HRH3: variants seen among roughly 807,000 people sequenced by gnomAD.
HRH3 encodes histamine receptor H3.
In HRH3, 13 loss-of-function variants were observed where a neutral mutation model predicts 21.6. The observed-to-expected ratio is 0.60, with a 90% CI of 0.39 to 0.96. The LOEUF is 0.96. HRH3 is among the 40% of genes least tolerant of loss of function. The probability of loss-of-function intolerance (pLI) is 0.00; values close to 1 mark genes in which losing one functional copy is unlikely to be tolerated. For synonymous variants in HRH3, 276 were observed against 290.3 expected, an observed-to-expected ratio of 0.95 and a Z score of 0.50; for missense variants, 461 against 622.7, an observed-to-expected ratio of 0.74 and a Z score of 2.76.
In HRH3 at chr20:62,216,082, C is replaced by G. The variant is rs199981087; in HGVS notation, c.1262G>C (p.Arg421Pro). ...GGGGCAGAGCAGCTTGGTGAAGGCC[C>G]GGCGGAAGCTGTGGTGGCACAGAGG... ...LYPLCHHSFR[R>P]AFTKLLCPQK... The change falls in exon 3 of 3, where the codon CGG becomes CCG. Residue 421 changes from arginine to proline, a missense_variant. Transcript: ENST00000340177. The G allele has an allele frequency of 6.2e-7, 1 of 1,609,966 alleles. No individual in the cohort carries two copies. Among genetic ancestry groups the G allele is most frequent in the Non-Finnish European group, 8.5e-7 (1 of 1,178,648 alleles).
Position 62,215,877 on chromosome 20 carries a change from T to G in HRH3, c.*129A>C. ...CCATGGCAGGGTGGCTGCCGTGGCA[T>G]TAAGAGAGGGCCACAGACACGGCGG... On this transcript the variant is annotated 3_prime_UTR_variant, in exon 3 of 3. Transcript: ENST00000340177. 2.6e-5 allele frequency: 24 copies of G among 911,670 alleles called. No individual in the cohort carries two copies. Among genetic ancestry groups the G allele is most frequent in the Non-Finnish European group, 3.4e-5 (21 of 623,806 alleles). 56.5% of individuals were successfully genotyped at this position (911,670 alleles called of 1,614,324 possible).
At position 62,219,768 on chromosome 20, in the gene HRH3, T is replaced by C; in HGVS notation, c.203A>G (p.Gln68Arg). 1 of 1,605,612 alleles carries C rather than the reference T, an allele frequency of 6.2e-7. No individual in the cohort carries two copies. The highest frequency in any genetic ancestry group is 1.1e-5 in the South Asian group (1 of 90,048). Residue 68 changes from glutamine (Q) to arginine (R), a missense_variant, in exon 1 of 3, where the codon CAG becomes CGG. Physicochemically the swap from Gln to Arg is conservative, Grantham distance 43 (BLOSUM62 1). Around this residue, in one of 6 missense-constraint regions of HRH3, gnomAD observed 102 missense variants for 155.6 expected, o/e 0.66. Transcript: ENST00000340177. This position sits in a 1 kb window ranked among gnomAD's most constrained non-coding sequence, Gnocchi z 8.7. The part of the protein sequence containing the change: ...AFVADSSLRT[Q>R]NNFFLLNLAI... ...GAGGTTGAGCAGGAAGAAGTTGTTCTGGGTGCGGAGGCTCGAGTCGGCCAC... is the reference window on the plus strand; with the variant it reads ...GAGGTTGAGCAGGAAGAAGTTGTTCCGGGTGCGGAGGCTCGAGTCGGCCAC...
At position 62,219,892 on chromosome 20, in the gene HRH3, G is replaced by A; in HGVS notation, c.79C>T (p.Arg27Cys). Reference sequence around the variant, plus strand: ...GCGGTCCAGGCTGCCGAGAAGCCGCGCGCCCCGCCCGCCGCCGCCGCCTCG... The same window carrying A: ...GCGGTCCAGGCTGCCGAGAAGCCGCACGCCCCGCCCGCCGCCGCCGCCTCG... ...AGEAAAAGGA[R>C]GFSAAWTAVL... Residue 27 changes from arginine to cysteine, a missense_variant, in exon 1 of 3, where the codon CGC (arginine) becomes TGC (cysteine). By Grantham distance (180) the Arg-to-Cys change is radical. Around this residue, in one of 6 missense-constraint regions of HRH3, gnomAD observed 102 missense variants for 155.6 expected, o/e 0.66. Transcript: ENST00000340177. The surrounding 1 kb of genome is among the most constrained non-coding windows in gnomAD (Gnocchi z 8.7). 1 of 1,395,824 alleles carries A rather than the reference G, an allele frequency of 7.2e-7. No individual in the cohort carries two copies. Among genetic ancestry groups the A allele is most frequent in the Non-Finnish European group, 9.3e-7 (1 of 1,079,772 alleles). The allele number at this position is 1,395,824 out of a possible 1,614,324, so 86.5% of individuals were successfully genotyped here. A position where few individuals can be genotyped will look rare whatever the true frequency, so the allele number is the denominator to read the frequency against.
Position 62,220,045 on chromosome 20 carries a change from C to T in HRH3, c.-75G>A. On this transcript the variant is annotated 5_prime_UTR_variant, in exon 1 of 3. Transcript: ENST00000340177. ...AGAGCTGGGCGGCCGGGAGGGGCCCCGGCCCGGGAGCCTCGTCTTTGCGGG... is the reference window on the plus strand; with the variant it reads ...AGAGCTGGGCGGCCGGGAGGGGCCCTGGCCCGGGAGCCTCGTCTTTGCGGG... The T allele has an allele frequency of 1.0e-6, 1 of 982,192 alleles. No individual in the cohort carries two copies. Among genetic ancestry groups the T allele is most frequent in the Non-Finnish European group, 1.2e-6 (1 of 828,010 alleles). 60.8% of individuals were successfully genotyped at this position (982,192 alleles called of 1,614,324 possible). A position where few individuals can be genotyped will look rare whatever the true frequency, so the allele number is the denominator to read the frequency against.
Position 62,218,409 on chromosome 20 carries a change from G to T in HRH3, c.417+82C>A. 6.8e-7 allele frequency: 1 copy of T among 1,466,252 alleles called. No individual in the cohort carries two copies. The highest frequency in any genetic ancestry group is 9.2e-7 in the Non-Finnish European group (1 of 1,086,228). The allele number at this position is 1,466,252 out of a possible 1,614,324, so 90.8% of individuals were successfully genotyped here. The stretch of plus-strand genomic sequence containing the variant: ...CCACTTCTGCCCACAACTCAGAAGT[G>T]GCCGTCCCCACCCAGGTGCCTCCCA... On this transcript the variant is annotated intron_variant, in intron 2 of 2. Transcript: ENST00000340177. This position sits in a 1 kb window ranked among gnomAD's most constrained non-coding sequence, Gnocchi z 5.6.
rs755965265 is a variant in HRH3, at chr20:62,216,457, C to T, written c.887G>A (p.Gly296Glu). The T allele has an allele frequency of 3.2e-6, 5 of 1,540,580 alleles. No individual in the cohort carries two copies. Among genetic ancestry groups the T allele is most frequent in the South Asian group, 1.2e-5 (1 of 83,466 alleles). The part of the protein sequence containing the change: ...AGEATLGGGG[G>E]GGSVASPTSS... Reference sequence around the variant, plus strand: ...GGTGGGTGAAGCCACGGAGCCGCCCCCACCGCCACCCCCGAGGGTCGCCTC... The same window carrying T: ...GGTGGGTGAAGCCACGGAGCCGCCCTCACCGCCACCCCCGAGGGTCGCCTC... The change falls in exon 3 of 3, where the codon GGG becomes GAG. Residue 296 changes from glycine (G) to glutamate (E), a missense_variant. Coordinates refer to ENST00000340177, the MANE Select transcript of HRH3 (RefSeq NM_007232.3).
At position 62,215,573 on chromosome 20, in the gene HRH3, G is replaced by T; in HGVS notation, c.*433C>A. On this transcript the variant is annotated 3_prime_UTR_variant, in exon 3 of 3. Coordinates refer to ENST00000340177, the MANE Select transcript of HRH3 (RefSeq NM_007232.3). ...AAGGCAGTGTCCTGGGCTTGTCCGG[G>T]GAGAGGGACGGTGTGCAGGTGTGTG... 2.4e-6 allele frequency: 1 copy of T among 421,980 alleles called. No individual in the cohort carries two copies. Among genetic ancestry groups the T allele is most frequent in the Non-Finnish European group, 4.7e-6 (1 of 210,588 alleles). 26.1% of individuals were successfully genotyped at this position (421,980 alleles called of 1,614,324 possible).
At position 62,215,270 on chromosome 20, in the gene HRH3, G is replaced by A. The variant is rs200421002; in HGVS notation, c.*736C>T. The A allele has an allele frequency of 6.7e-5, 30 of 450,604 alleles. No individual in the cohort carries two copies. In the East Asian group the frequency reaches 1.0e-3, roughly 16 times the overall value. The allele number at this position is 450,604 out of a possible 1,614,324, so 27.9% of individuals were successfully genotyped here. A position where few individuals can be genotyped will look rare whatever the true frequency, so the allele number is the denominator to read the frequency against. On this transcript the variant is annotated 3_prime_UTR_variant, in exon 3 of 3. Coordinates refer to ENST00000340177, the MANE Select transcript of HRH3 (RefSeq NM_007232.3). Reference sequence around the variant, plus strand: ...CAGAAGCAGCTGGCACAGCTCAGCCGGAAGCCTTAGCGGAGGGAGGAGGGC... The same window carrying A: ...CAGAAGCAGCTGGCACAGCTCAGCCAGAAGCCTTAGCGGAGGGAGGAGGGC...
chr20:62,215,927 G>A lies in HRH3; in HGVS notation c.*79C>T, dbSNP rs201106459. ...GGGCTCACCCCTGGGGGAACGAGCC[G>A]GGTAGGGGGCAGCAGGGCCAGATGC... On this transcript the variant is annotated 3_prime_UTR_variant, in exon 3 of 3. Transcript: ENST00000340177. 1.6e-4 allele frequency: 224 copies of A among 1,367,360 alleles called. 1 individual carries two copies. Among genetic ancestry groups the A allele is most frequent in the South Asian group, 4.1e-4 (29 of 71,148 alleles). The allele number at this position is 1,367,360 out of a possible 1,614,324, so 84.7% of individuals were successfully genotyped here.
chr20:62,217,013 C>T, intron 2 of HRH3, 87 bp from the exon 3 acceptor site: 1 of 1,294,624 alleles, frequency 7.7e-7, no homozygotes, highest in Non-Finnish European at 1.0e-6. Context: ...CTATGTGGGC[C>T]CTTCCCTCAG....
At chr20:62,217,164 AAC>A (rs1234418522) in intron 2 of HRH3, among the ~76,000 whole-genome samples, 1 of 152,024 alleles carries the variant, frequency 6.6e-6, no homozygotes, top group African/African-American at 2.4e-5. Flanking sequence ...GACCAACCTG[AAC>A]CCTCACTCTC....
rs1429481564 is a variant in HRH3 at position 62,219,802 on chromosome 20, G to A, written c.169C>T (p.Leu57Phe). ...ATVLGNALVM[L>F]AFVADSSLRT... is the part of the protein sequence containing the mutation. ...AGGCTCGAGTCGGCCACGAAGGCGA[G>A]CATGACCAGCGCGTTGCCCAGCACC... is the stretch of plus-strand genomic sequence containing the variant. Residue 57 changes from leucine (L) to phenylalanine (F), a missense_variant, in exon 1 of 3, where the codon CTC becomes TTC. This residue lies in a region of HRH3 where 102 missense variants were observed against 155.6 expected (regional missense o/e 0.66). Coordinates refer to ENST00000340177, the MANE Select transcript of HRH3 (RefSeq NM_007232.3). The surrounding 1 kb of genome is among the most constrained non-coding windows in gnomAD (Gnocchi z 8.7). 8.7e-6 allele frequency: 14 copies of A among 1,605,946 alleles called. No homozygotes were observed. The highest frequency in any genetic ancestry group is 1.2e-5 in the Non-Finnish European group (14 of 1,176,838).
In HRH3 at chr20:62,215,790, C is replaced by T. The variant is rs1416865607; in HGVS notation, c.*216G>A. The T allele has an allele frequency of 6.8e-6, 4 of 584,916 alleles. No homozygotes were observed. Among genetic ancestry groups the T allele is most frequent in the Non-Finnish European group, 1.2e-5 (4 of 330,446 alleles). The allele number at this position is 584,916 out of a possible 1,614,324, so 36.2% of individuals were successfully genotyped here. On this transcript the variant is annotated 3_prime_UTR_variant, in exon 3 of 3. Coordinates refer to ENST00000340177, the MANE Select transcript of HRH3 (RefSeq NM_007232.3). The stretch of plus-strand genomic sequence containing the variant: ...TGGAGCCAGAATGTGGGGGGCAGGG[C>T]CGGCCACCCAGCCTCCAGTCCAGCC...
In HRH3 at chr20:62,215,829, C is replaced by T; in HGVS notation, c.*177G>A. On this transcript the variant is annotated 3_prime_UTR_variant, in exon 3 of 3. Transcript: ENST00000340177. ...TCCAGTCCAGCCAGTGAGGGGCCCT[C>T]TGGCCAACCCAGGAAGGCGCCTCCA... The T allele has an allele frequency of 1.5e-6, 1 of 664,486 alleles. No individual in the cohort carries two copies. 41.2% of individuals were successfully genotyped at this position (664,486 alleles called of 1,614,324 possible).
Position 62,216,335 on chromosome 20 carries a change from T to C in HRH3, c.1009A>G (p.Met337Val), listed in dbSNP as rs1978540177. The C allele has an allele frequency of 4.4e-6, 7 of 1,605,644 alleles. No homozygotes were observed. Among genetic ancestry groups the C allele is most frequent in the Middle Eastern group, 1.7e-4 (1 of 6,048 alleles). Residue 337 changes from methionine to valine, a missense_variant, in exon 3 of 3, where the codon ATG becomes GTG. Met to Val is a conservative substitution (Grantham distance 21). Around this residue, in one of 6 missense-constraint regions of HRH3, gnomAD observed 102 missense variants for 166.6 expected, o/e 0.61. Coordinates refer to ENST00000340177, the MANE Select transcript of HRH3 (RefSeq NM_007232.3). ...SASSASLEKR[M>V]KMVSQSFTQR... ...GTGAAGCTCTGGGACACCATCTTCA[T>C]GCGCTTCTCCAGCGAGGCCGAGGAC... is the stretch of plus-strand genomic sequence containing the variant.
rs534345862 is a variant in HRH3 at position 62,218,461 on chromosome 20, T to C, written c.417+30A>G. 8.7e-6 allele frequency: 14 copies of C among 1,603,150 alleles called. 1 individual carries two copies. The South Asian group carries it at 1.4e-4, about 17-fold the overall frequency. On this transcript the variant is annotated intron_variant, in intron 2 of 2. Coordinates refer to ENST00000340177, the MANE Select transcript of HRH3 (RefSeq NM_007232.3). This position sits in a 1 kb window ranked among gnomAD's most constrained non-coding sequence, Gnocchi z 5.6. Reference sequence around the variant, plus strand: ...GGGCGTCCCGACTGTCCCTGCGGAGTGAACAGGAGCTCCGCAGCCCAGGAC... The same window carrying C: ...GGGCGTCCCGACTGTCCCTGCGGAGCGAACAGGAGCTCCGCAGCCCAGGAC...
chr20:62,219,859 C>CCT lies in HRH3; in HGVS notation c.111_112insAG (p.Ala38ArgfsTer60). The CCT allele has an allele frequency of 1.3e-6, 2 of 1,548,900 alleles. No homozygotes were observed. Among genetic ancestry groups the CCT allele is most frequent in the Non-Finnish European group, 1.7e-6 (2 of 1,152,694 alleles). On this transcript the variant is annotated frameshift_variant, in exon 1 of 3. Transcript: ENST00000340177. LOFTEE classifies it high-confidence loss of function. This position sits in a 1 kb window ranked among gnomAD's most constrained non-coding sequence, Gnocchi z 8.7. ...ACGATGAGCAGCGCCATGAGCGCGG[C>CCT]CAGCACCGCGGTCCAGGCTGCCGAG...
In HRH3 at chr20:62,216,136, G is replaced by A. The variant is rs201198332; in HGVS notation, c.1208C>T (p.Ala403Val). 42 of 1,613,134 alleles carry A rather than the reference G, an allele frequency of 2.6e-5. No individual in the cohort carries two copies. Among genetic ancestry groups the A allele is most frequent in the Non-Finnish European group, 3.5e-5 (41 of 1,179,976 alleles). The change falls in exon 3 of 3, where the codon GCC becomes GTC. Residue 403 changes from alanine to valine, a missense_variant. Around this residue, in one of 6 missense-constraint regions of HRH3, gnomAD observed 102 missense variants for 166.6 expected, o/e 0.61. Coordinates refer to ENST00000340177, the MANE Select transcript of HRH3 (RefSeq NM_007232.3). ...WYETSFWLLW[A>V]NSAVNPVLYP... ...GAGGACAGGGTTGACAGCCGAGTTG[G>A]CCCACAGGAGCCAGAAGGAGGTTTC...
At position 62,218,626 on chromosome 20, in the gene HRH3, G is replaced by A. The variant is rs1339031247; in HGVS notation, c.282C>T (p.Tyr94=). The A allele has an allele frequency of 3.1e-6, 5 of 1,612,124 alleles. No homozygotes were observed. The highest frequency in any genetic ancestry group is 2.2e-5 in the East Asian group (1 of 44,886). ...GAFCIPLYVP[Y]VLTGRWTFGR... is the part of the protein sequence containing the mutation. ...CGAAGGTCCAGCGGCCTGTCAGCAC[G>A]TAGGGTACATACAGTGGGATGCAGA... Residue 94 remains tyrosine (Y), a synonymous_variant, in exon 2 of 3, where the codon TAC becomes TAT. Coordinates refer to ENST00000340177, the MANE Select transcript of HRH3 (RefSeq NM_007232.3). This position sits in a 1 kb window ranked among gnomAD's most constrained non-coding sequence, Gnocchi z 5.6.
Sources: gnomAD v4.1 joint callset for allele counts (sites outside exome capture counted in the v4.1 genomes callset) on GRCh38, gnomAD v4.1.1 for gene constraint, gnomAD v4.1.1 regional missense constraint, Gnocchi (gnomAD v3.1) non-coding constraint, MANE v1.5 for transcripts, NCBI Gene and HGNC (gene_info 2026-07-23, HGNC 2026-07-21) for gene names.